RIOK3: variants seen among roughly 807,000 people sequenced by gnomAD.
The protein encoded by RIOK3 is serine/threonine-protein kinase RIO3.
RIOK3 carries 40 observed loss-of-function variants against 63.5 expected under a neutral mutation model. The ratio of observed to expected loss-of-function variants is 0.63; its 90% CI spans 0.49 to 0.82. RIOK3 has a LOEUF of 0.82. RIOK3 is among the 40% of genes least tolerant of loss of function. The probability of loss-of-function intolerance (pLI) is 0.00; values close to 1 mark genes in which losing one functional copy is unlikely to be tolerated. For synonymous variants in RIOK3, 193 were observed against 205.0 expected (o/e 0.94, Z 0.50); for missense variants, 557 against 637.0 (o/e 0.87, Z 1.35).
intron 7 of RIOK3, among the ~76,000 whole-genome samples, chr18:23,468,566 G>A (rs900631703): frequency 3.3e-5 from 5 of 152,062 alleles, no homozygotes; most frequent in East Asian, 3.9e-4. Flanking sequence ...GCCTCCCAAA[G>A]TGCCAAGATT....
At chr18:23,476,868 C>T (rs1365305554) in intron 9 of RIOK3, 138 bp from the exon 10 acceptor site, 1 of 630,910 alleles carries the variant, frequency 1.6e-6, no homozygotes, top group Non-Finnish European at 2.8e-6. Context: ...GCTGAGATCA[C>T]ACCACTGCAC....
Position 23,477,197 on chromosome 18 carries a change from A to T in RIOK3, c.1273A>T (p.Ser425Cys). The stretch of plus-strand genomic sequence containing the variant: ...GAAATAGGTCTGGTTGATCGATGTC[A>T]GTCAGTCAGTAGAACCTACCCACCC... Reference protein sequence around the residue: ...HAGKVWLIDVSQSVEPTHPHG... With the variant: ...HAGKVWLIDVCQSVEPTHPHG... Residue 425 changes from serine to cysteine, a missense_variant, in exon 11 of 13, where the codon AGT (serine) becomes TGT (cysteine). Physicochemically the swap from Ser to Cys is moderately radical, Grantham distance 112. Transcript: ENST00000339486. 6.2e-7 allele frequency: 1 copy of T among 1,613,742 alleles called. No individual in the cohort carries two copies. The highest frequency in any genetic ancestry group is 1.1e-5 in the South Asian group (1 of 91,058).
chr18:23,470,819 T>A (rs946224649), intron 7 of RIOK3, among the ~76,000 whole-genome samples: 1 of 152,192 alleles, frequency 6.6e-6, no homozygotes, highest in Non-Finnish European at 1.5e-5. Context: ...GCAAATCTTA[T>A]AAATTGGACT....
At position 23,462,339 on chromosome 18, in the gene RIOK3, C is replaced by T. The variant is rs527893393; in HGVS notation, c.64-625C>T. ...TATTTCTGGTAGAGATGGGGTTTCACCATGTTGGCCAGGCTGGTCTCAAAC... is the reference window on the plus strand; with the variant it reads ...TATTTCTGGTAGAGATGGGGTTTCATCATGTTGGCCAGGCTGGTCTCAAAC... On this transcript the variant is annotated intron_variant, in intron 1 of 12. Transcript: ENST00000339486. Among the ~76,000 whole-genome samples, 3 of 152,118 alleles carry T rather than the reference C, an allele frequency of 2.0e-5. No homozygotes were observed. In the South Asian group the frequency reaches 6.2e-4, roughly 32 times the overall value.
At chr18:23,480,762 T>A (rs1166539231) in intron 12 of RIOK3, among the ~76,000 whole-genome samples, 2 of 152,062 alleles carry the variant, frequency 1.3e-5, no homozygotes, top group Non-Finnish European at 2.9e-5. Flanking sequence ...GAGACCAGCC[T>A]GAGCAACATA....
chr18:23,460,219 C>T (rs2057365742), intron 1 of RIOK3, among the ~76,000 whole-genome samples: 1 of 152,212 alleles, frequency 6.6e-6, no homozygotes. Context: ...TCCTGAGTAG[C>T]TGGGACTGCA....
intron 1 of RIOK3, among the ~76,000 whole-genome samples, chr18:23,459,731 C>T (rs1233624054): frequency 3.9e-5 from 6 of 152,110 alleles, no homozygotes; most frequent in Non-Finnish European, 5.9e-5. Context: ...AGTGAAGTGG[C>T]GCAATCTTGG....
intron 9 of RIOK3, among the ~76,000 whole-genome samples, chr18:23,476,525 G>C (rs1477131597): frequency 6.6e-6 from 1 of 152,158 alleles, no homozygotes; most frequent in East Asian, 1.9e-4. Context: ...AGGTGGGGTG[G>C]CTGGGGAAGA....
chr18:23,479,202 C>T (rs942383254), intron 11 of RIOK3, 115 bp from the exon 12 acceptor site: 101 of 591,804 alleles, frequency 1.7e-4, no homozygotes, highest in Admixed American at 4.2e-4. Flanking sequence ...TGTGTGTGTG[C>T]GTGTGCACAC....
intron 1 of RIOK3, among the ~76,000 whole-genome samples, chr18:23,461,001 G>A (rs996553137): frequency 1.3e-5 from 2 of 152,214 alleles, no homozygotes; most frequent in African/African-American, 4.8e-5. Context: ...GGTACCAGGT[G>A]TATTTCCTCA....
chr18:23,463,239 G>T, intron 2 of RIOK3, 160 bp downstream of exon 2: 1 of 523,198 alleles, frequency 1.9e-6, no homozygotes, highest in South Asian at 2.7e-5. Context: ...TTTTGCATTG[G>T]TTTTCATTAT....
intron 1 of RIOK3, among the ~76,000 whole-genome samples, chr18:23,454,177 T>C (rs1020442771): frequency 6.6e-6 from 1 of 152,208 alleles, no homozygotes; most frequent in Non-Finnish European, 1.5e-5. Context: ...TGAAAACACT[T>C]TTCTGCCACT....
rs760829161 is a variant in RIOK3, at chr18:23,473,612, G to A, written c.999G>A (p.Met333Ile). Residue 333 changes from methionine (M) to isoleucine (I), a missense_variant, in exon 8 of 13, where the codon ATG becomes ATA. Physicochemically the swap from Met to Ile is conservative, Grantham distance 10 (BLOSUM62 1). Coordinates refer to ENST00000339486, the MANE Select transcript of RIOK3 (RefSeq NM_003831.5). ...KIIRMWAEKEMHNLARMQRAG... is the reference protein window; with the variant it reads ...KIIRMWAEKEIHNLARMQRAG... ...TCCGCATGTGGGCAGAAAAAGAAAT[G>A]CACAATCTCGCAAGGTAAAGAAAAT... is the stretch of plus-strand genomic sequence containing the variant. 17 of 1,611,902 alleles carry A rather than the reference G, an allele frequency of 1.1e-5. No individual in the cohort carries two copies. Among genetic ancestry groups the A allele is most frequent in the Non-Finnish European group, 1.4e-5 (17 of 1,178,668 alleles).
chr18:23,456,312 A>G (rs2057340882), intron 1 of RIOK3: 1 of 152,232 alleles, frequency 6.6e-6, no homozygotes, highest in South Asian at 2.1e-4. Flanking sequence ...ATCAATTGAT[A>G]TTTATCAATC....
chr18:23,453,617 C>G, intron 1 of RIOK3, 115 bp downstream of exon 1: 1 of 948,724 alleles, frequency 1.1e-6, no homozygotes, highest in Admixed American at 1.8e-5. Flanking sequence ...CGGGACCCCG[C>G]GGACCTCGGC....
chr18:23,453,316 C>T lies in RIOK3; in HGVS notation c.-124C>T, dbSNP rs113694270. 1.4e-3 allele frequency: 1,145 copies of T among 798,256 alleles called. 13 individuals carry two copies. Among genetic ancestry groups the T allele is most frequent in the African/African-American group, 7.6e-3 (451 of 59,124 alleles). 49.4% of individuals were successfully genotyped at this position (798,256 alleles called of 1,614,324 possible). A position where few individuals can be genotyped will look rare whatever the true frequency, so the allele number is the denominator to read the frequency against. On this transcript the variant is annotated 5_prime_UTR_variant, in exon 1 of 13. Transcript: ENST00000339486. ...CCGGACGCGGCCGCCGCCGTCGCCG[C>T]CATCTGTCACCTCCACTCCGGCATC...
Position 23,473,535 on chromosome 18 carries a change from G to A in RIOK3, c.922G>A (p.Asp308Asn). 6.2e-7 allele frequency: 1 copy of A among 1,613,034 alleles called. No individual in the cohort carries two copies. The highest frequency in any genetic ancestry group is 1.1e-5 in the South Asian group (1 of 91,026). Residue 308 changes from aspartate (D) to asparagine (N), a missense_variant, in exon 8 of 13, where the codon GAT (aspartate) becomes AAT (asparagine). Physicochemically the swap from Asp to Asn is conservative, Grantham distance 23. Transcript: ENST00000339486. ...EFKNRDKYIKDDFRFKDRFSK... is the reference protein window; with the variant it reads ...EFKNRDKYIKNDFRFKDRFSK... ...TAAGAATCGTGACAAATATATTAAA[G>A]ATGATTTCAGGTTTAAAGATCGCTT...
chr18:23,464,471 G>A (rs1227765903), intron 4 of RIOK3, 48 bp from the exon 5 acceptor site: 1 of 1,313,522 alleles, frequency 7.6e-7, no homozygotes, highest in East Asian at 2.3e-5. Context: ...ATGCAGCAAT[G>A]TAGTCTTTGC....
rs1000617898 is a variant in RIOK3 at position 23,475,081 on chromosome 18, A to C, written c.1147A>C (p.Lys383Gln). 13 of 1,612,770 alleles carry C rather than the reference A, an allele frequency of 8.1e-6. No homozygotes were observed. Among genetic ancestry groups the C allele is most frequent in the Non-Finnish European group, 1.1e-5 (13 of 1,179,352 alleles). Reference sequence around the variant, plus strand: ...AGTAAAGCTCAATAGTGAAGAAATGAAAGAAGCCTACTATCAAACTCTTCA... The same window carrying C: ...AGTAAAGCTCAATAGTGAAGAAATGCAAGAAGCCTACTATCAAACTCTTCA... The part of the protein sequence containing the change: ...KEVKLNSEEM[K>Q]EAYYQTLHLM... Residue 383 changes from lysine (K) to glutamine (Q), a missense_variant, in exon 9 of 13, where the codon AAA becomes CAA. Around this residue, in one of 3 missense-constraint regions of RIOK3, gnomAD observed 309 missense variants for 338.7 expected, o/e 0.91. Transcript: ENST00000339486.
Sources: allele counts gnomAD v4.1 joint callset (sites outside exome capture counted in the v4.1 genomes callset), GRCh38; gene constraint gnomAD v4.1.1; regional missense constraint gnomAD v4.1.1; transcripts MANE v1.5; gene names NCBI Gene and HGNC (gene_info 2026-07-23, HGNC 2026-07-21).